The following LRRN1 variants were observed in gnomAD, a reference collection of about 807,000 sequenced individuals.
The protein encoded by LRRN1 is leucine rich repeat neuronal 1.
LRRN1 carries 14 observed loss-of-function variants against 45.8 expected under a neutral mutation model. That is an observed-to-expected ratio of 0.31 (90% CI 0.20 to 0.48). LRRN1 has a LOEUF of 0.48. Among genes scored for constraint, LRRN1 ranks in the 20% least tolerant of loss-of-function variants. The probability of loss-of-function intolerance (pLI) is 0.99; values close to 1 mark genes in which losing one functional copy is unlikely to be tolerated. For missense variants in LRRN1, 789 were observed against 874.2 expected, an observed-to-expected ratio of 0.90 and a Z score of 1.23; for synonymous variants, 359 against 330.1, an observed-to-expected ratio of 1.09 and a Z score of -0.95.
At chr3:3,829,814 C>T (rs1299328880) in intron 1 of LRRN1, among the ~76,000 whole-genome samples, 2 of 152,224 alleles carry the variant, frequency 1.3e-5, no homozygotes, top group Admixed American at 6.5e-5. Context: ...AAAAGCACTG[C>T]ATGCAGGATA....
rs186488327 is a variant in LRRN1, at chr3:3,841,644, G to C, written c.-278-2720G>C. Among the ~76,000 whole-genome samples, 43 of 152,052 alleles carry C rather than the reference G, an allele frequency of 2.8e-4. No individual in the cohort carries two copies. In the East Asian group the frequency reaches 7.4e-3, roughly 26 times the overall value. On this transcript the variant is annotated intron_variant, in intron 1 of 1. Transcript: ENST00000319331. ...AGCGATTCTCCTGCCTCAGGCCCCT[G>C]AGTAGCTGGGATTACAGGCACGTAC...
intron 1 of LRRN1, among the ~76,000 whole-genome samples, chr3:3,804,963 G>T (rs970519640): frequency 6.6e-6 from 1 of 152,190 alleles, no homozygotes; most frequent in African/African-American, 2.4e-5. Context: ...TCCAGGAAAG[G>T]ACAATCTTGG....
At chr3:3,835,420 A>T (rs1248883363) in intron 1 of LRRN1, among the ~76,000 whole-genome samples, 1 of 152,148 alleles carries the variant, frequency 6.6e-6, no homozygotes, top group Non-Finnish European at 1.5e-5. Context: ...TACTGCTTTC[A>T]CACCTTTGTA....
chr3:3,836,357 C>A (rs1158292221), intron 1 of LRRN1, among the ~76,000 whole-genome samples: 2 of 152,174 alleles, frequency 1.3e-5, no homozygotes, highest in East Asian at 3.8e-4. Flanking sequence ...TTCCCTCTAC[C>A]TCCAAGCCCT....
intron 1 of LRRN1, among the ~76,000 whole-genome samples, chr3:3,806,610 C>T (rs576714014): frequency 7.4e-4 from 112 of 152,208 alleles, no homozygotes; most frequent in African/African-American, 1.1e-3. Flanking sequence ...GAGAGAAAGT[C>T]GATAGCAATA....
intron 1 of LRRN1, among the ~76,000 whole-genome samples, chr3:3,807,732 A>G (rs1022294846): frequency 3.3e-5 from 5 of 152,184 alleles, no homozygotes; most frequent in Admixed American, 6.6e-5. Flanking sequence ...TTTCCAGGAC[A>G]CATGTGGAAT....
intron 1 of LRRN1, chr3:3,800,886 T>G (rs1692636383): frequency 6.6e-6 from 1 of 152,368 alleles, no homozygotes; most frequent in African/African-American, 2.4e-5. Context: ...GAGGAAAGTT[T>G]GCCGGCGAGT....
rs192588853 is a variant in LRRN1, at chr3:3,840,206, A to G, written c.-278-4158A>G. 2.4e-3 allele frequency among the ~76,000 whole-genome samples: 361 copies of G among 152,198 alleles called. 5 individuals carry two copies. The highest frequency in any genetic ancestry group is 5.9e-4 in the Non-Finnish European group (40 of 67,976). Reference sequence around the variant, plus strand: ...ATGAAAAAGTGTTGAATTTTGTCAGATGGTTTTGTGCATCAATTGAGATGA... The same window carrying G: ...ATGAAAAAGTGTTGAATTTTGTCAGGTGGTTTTGTGCATCAATTGAGATGA... On this transcript the variant is annotated intron_variant, in intron 1 of 1. Coordinates refer to ENST00000319331, the MANE Select transcript of LRRN1 (RefSeq NM_020873.7).
chr3:3,807,520 G>GTT (rs1692790357), intron 1 of LRRN1, among the ~76,000 whole-genome samples: 1 of 152,186 alleles, frequency 6.6e-6, no homozygotes, highest in Non-Finnish European at 1.5e-5. Flanking sequence ...TGTTTGTTTA[G>GTT]TAAGACTTGC....
At chr3:3,818,563 C>T (rs887433165) in intron 1 of LRRN1, among the ~76,000 whole-genome samples, 3 of 152,142 alleles carry the variant, frequency 2.0e-5, no homozygotes, top group African/African-American at 7.2e-5. Flanking sequence ...AAATTTTTCC[C>T]GTCGTCCTAC....
At chr3:3,819,002 A>T (rs1065857) in intron 1 of LRRN1, among the ~76,000 whole-genome samples, 99,770 of 134,874 alleles carry the variant, frequency 0.74, 35,929 homozygotes, top group Non-Finnish European at 0.83. Flanking sequence ...CTTTACTTTT[A>T]TTTTTTTTGA....
intron 1 of LRRN1, among the ~76,000 whole-genome samples, chr3:3,806,968 C>A (rs1692774865): frequency 6.6e-6 from 1 of 152,194 alleles, no homozygotes; most frequent in Non-Finnish European, 1.5e-5. Flanking sequence ...AGACTCCTGT[C>A]TCTCTCAGAC....
chr3:3,836,435 A>G (rs1693514634), intron 1 of LRRN1, among the ~76,000 whole-genome samples: 1 of 152,200 alleles, frequency 6.6e-6, no homozygotes, highest in African/African-American at 2.4e-5. Flanking sequence ...ATCACGTACT[A>G]TTCACGCTAT....
chr3:3,818,875 G>T (rs1693041572), intron 1 of LRRN1, among the ~76,000 whole-genome samples: 1 of 152,206 alleles, frequency 6.6e-6, no homozygotes, highest in Admixed American at 6.5e-5. Flanking sequence ...GTTGTGTGTA[G>T]TAAGAGTACA....
chr3:3,836,957 C>T (rs1243256066), intron 1 of LRRN1, among the ~76,000 whole-genome samples: 1 of 152,274 alleles, frequency 6.6e-6, no homozygotes, highest in South Asian at 2.1e-4. Flanking sequence ...GACCAGTGCC[C>T]CTTTTTTCTT....
intron 1 of LRRN1, among the ~76,000 whole-genome samples, chr3:3,817,915 A>G (rs1693020567): frequency 6.6e-6 from 1 of 152,356 alleles, no homozygotes; most frequent in East Asian, 1.9e-4. Context: ...GGAGAAAAGC[A>G]AATCTGATGT....
At chr3:3,810,887 T>C (rs768403254) in intron 1 of LRRN1, among the ~76,000 whole-genome samples, 2 of 152,172 alleles carry the variant, frequency 1.3e-5, no homozygotes, top group African/African-American at 2.4e-5. Flanking sequence ...GAGAATACCA[T>C]TAACTTGATT....
chr3:3,840,088 T>C (rs1693614864), intron 1 of LRRN1, among the ~76,000 whole-genome samples: 1 of 152,190 alleles, frequency 6.6e-6, no homozygotes, highest in African/African-American at 2.4e-5. Flanking sequence ...TTTTTTGCTA[T>C]TAAGAATCAT....
chr3:3,803,773 A>G lies in LRRN1; in HGVS notation c.-279+3854A>G, dbSNP rs775467816. Among the ~76,000 whole-genome samples the G allele has an allele frequency of 6.6e-5, 10 of 152,328 alleles. 1 individual carries two copies. The highest frequency in any genetic ancestry group is 6.8e-3 in the Middle Eastern group (2 of 294). ...AGTTAAACCCTATCTGTAAAATTCA[A>G]TACTTTAGTGACCAAGGGATCCATT... On this transcript the variant is annotated intron_variant, in intron 1 of 1. Coordinates refer to ENST00000319331, the MANE Select transcript of LRRN1 (RefSeq NM_020873.7).
Sources: allele counts gnomAD v4.1 joint callset (sites outside exome capture counted in the v4.1 genomes callset), GRCh38; gene constraint gnomAD v4.1.1; transcripts MANE v1.5; gene names NCBI Gene and HGNC (gene_info 2026-07-23, HGNC 2026-07-21).